The following GLIS3 variants were observed in gnomAD, a reference collection of about 807,000 sequenced individuals.
The protein encoded by GLIS3 is zinc finger protein GLIS3.
A neutral mutation model predicts 78.6 loss-of-function variants in GLIS3; 53 were observed. The observed-to-expected ratio is 0.67, with a 90% CI of 0.54 to 0.85. The LOEUF is 0.85. Among genes scored for constraint, GLIS3 ranks in the 40% least tolerant of loss-of-function variants. The pLI, the probability that GLIS3 is intolerant of heterozygous loss-of-function variation, is 0.00. For synonymous variants in GLIS3, 684 were observed against 509.9 expected, an observed-to-expected ratio of 1.34 and a Z score of -4.60; for missense variants, 1,703 against 1,231.1, an observed-to-expected ratio of 1.38 and a Z score of -5.74.
At chr9:3,981,600 T>A (rs998260942) in intron 4 of GLIS3, among the ~76,000 whole-genome samples, 3 of 152,120 alleles carry the variant, frequency 2.0e-5, no homozygotes, top group Admixed American at 6.5e-5. Flanking sequence ...ACTGAGAATG[T>A]CCCATGCCAA....
chr9:4,209,250 T>C (rs1238881084), intron 2 of GLIS3, among the ~76,000 whole-genome samples: 1 of 152,080 alleles, frequency 6.6e-6, no homozygotes, highest in Non-Finnish European at 1.5e-5. Flanking sequence ...AACCCACACA[T>C]CCTGACCCAT....
chr9:4,023,583 G>T (rs1427225347), intron 4 of GLIS3, among the ~76,000 whole-genome samples: 5 of 152,008 alleles, frequency 3.3e-5, no homozygotes, highest in Non-Finnish European at 5.9e-5. Flanking sequence ...AGATTTTGTG[G>T]CCCACAGAGC....
At chr9:4,287,549 ATCTG>A (rs1828108898) in intron 1 of GLIS3, among the ~76,000 whole-genome samples, 1 of 152,362 alleles carries the variant, frequency 6.6e-6, no homozygotes, top group Non-Finnish European at 1.5e-5. Context: ...CACTGTCACA[ATCTG>A]TCTTTCAGAG....
chr9:4,050,920 A>C (rs1825707558), intron 4 of GLIS3, among the ~76,000 whole-genome samples: 1 of 152,158 alleles, frequency 6.6e-6, no homozygotes, highest in Admixed American at 6.5e-5. Context: ...CAGGGTCCTC[A>C]CAGTTGGGGG....
intron 2 of GLIS3, among the ~76,000 whole-genome samples, chr9:4,341,528 C>T (rs7039743): frequency 0.025 from 3,821 of 152,324 alleles, 164 homozygotes; most frequent in African/African-American, 0.084. Flanking sequence ...CACTCTCCTC[C>T]ATGACTTATT....
At chr9:4,373,690 C>A in the GLIS3 span, among the ~76,000 whole-genome samples, 9 of 144,376 alleles carry the variant, frequency 6.2e-5, no homozygotes, top group African/African-American at 2.3e-4. Context: ...TTTTTTGAGA[C>A]GGAGTCTTGC....
intron 2 of GLIS3, among the ~76,000 whole-genome samples, chr9:4,209,957 G>A (rs907929857): frequency 3.3e-5 from 5 of 152,126 alleles, no homozygotes; most frequent in African/African-American, 4.8e-5. Flanking sequence ...CCCCTCATCC[G>A]TAATGTTTTC....
At chr9:4,203,320 A>C (rs914816339) in intron 2 of GLIS3, among the ~76,000 whole-genome samples, 1 of 152,208 alleles carries the variant, frequency 6.6e-6, no homozygotes, top group African/African-American at 2.4e-5. Context: ...AAGTGAAAAA[A>C]AAATCAACAG....
chr9:4,339,041 T>C (rs1817796928), intron 2 of GLIS3, among the ~76,000 whole-genome samples: 1 of 152,160 alleles, frequency 6.6e-6, no homozygotes, highest in African/African-American at 2.4e-5. Context: ...TCCTGGTGAG[T>C]TCATGAAGCA....
chr9:3,828,175 G>T lies in GLIS3; in HGVS notation c.*97C>A. 7.0e-7 allele frequency: 1 copy of T among 1,431,370 alleles called. No homozygotes were observed. The highest frequency in any genetic ancestry group is 9.8e-7 in the Non-Finnish European group (1 of 1,020,194). The allele number at this position is 1,431,370 out of a possible 1,614,324, so 88.7% of individuals were successfully genotyped here. On this transcript the variant is annotated 3_prime_UTR_variant, in exon 11 of 11. Transcript: ENST00000381971. ...TAACTCTGCAGGGCCCGCTGATTGG[G>T]CTGACATCCTTCCTCAAGCAGTCTG...
chr9:4,396,117 CTT>C, the GLIS3 span, among the ~76,000 whole-genome samples: 12 of 141,034 alleles, frequency 8.5e-5, no homozygotes, highest in African/African-American at 1.3e-4. Context: ...GCCATTTTTA[CTT>C]TTTTTTTTTT....
chr9:4,122,152 A>G (rs1832240565), intron 3 of GLIS3, among the ~76,000 whole-genome samples: 1 of 152,242 alleles, frequency 6.6e-6, no homozygotes, highest in Non-Finnish European at 1.5e-5. Context: ...GAACTCAGTA[A>G]CTTGTATGGG....
intron 2 of GLIS3, among the ~76,000 whole-genome samples, chr9:4,216,735 A>C (rs1170531640): frequency 1.3e-5 from 2 of 151,670 alleles, no homozygotes; most frequent in African/African-American, 4.8e-5. Context: ...AGGTTTCGAA[A>C]CTCCCAAGAC....
At chr9:4,278,348 A>T (rs970127019) in intron 2 of GLIS3, among the ~76,000 whole-genome samples, 2 of 152,196 alleles carry the variant, frequency 1.3e-5, no homozygotes, top group Non-Finnish European at 2.9e-5. Context: ...AAAATGCATG[A>T]TTCCAGGTAT....
intron 4 of GLIS3, among the ~76,000 whole-genome samples, chr9:3,997,998 T>G (rs752311150): frequency 1.3e-5 from 2 of 152,196 alleles, no homozygotes; most frequent in African/African-American, 2.4e-5. Flanking sequence ...AGAAGCTTCA[T>G]TCATTTCTTT....
intron 2 of GLIS3, among the ~76,000 whole-genome samples, chr9:4,326,126 G>C (rs528641034): frequency 6.6e-6 from 1 of 152,220 alleles, no homozygotes; most frequent in East Asian, 1.9e-4. Context: ...GTGATGGGTT[G>C]ATCTGTGCAT....
At chr9:4,122,329 C>T (rs1035846891) in intron 3 of GLIS3, among the ~76,000 whole-genome samples, 6 of 152,172 alleles carry the variant, frequency 3.9e-5, no homozygotes, top group Admixed American at 2.6e-4. Context: ...TCTGGAAATT[C>T]GTGTCTATGT....
chr9:4,316,204 C>A (rs188152417), intron 2 of GLIS3, among the ~76,000 whole-genome samples: 1 of 152,276 alleles, frequency 6.6e-6, no homozygotes, highest in East Asian at 1.9e-4. Context: ...GGTTAGGATT[C>A]CTACAAGCTA....
chr9:3,936,251 T>C (rs1470879648), intron 5 of GLIS3, among the ~76,000 whole-genome samples: 1 of 152,092 alleles, frequency 6.6e-6, no homozygotes, highest in East Asian at 1.9e-4. Flanking sequence ...CCTGGCCTAG[T>C]GTAACGAAAA....
Sources: gnomAD v4.1 joint callset for allele counts (sites outside exome capture counted in the v4.1 genomes callset) on GRCh38, gnomAD v4.1.1 for gene constraint, MANE v1.5 for transcripts, NCBI Gene and HGNC (gene_info 2026-07-23, HGNC 2026-07-21) for gene names.